RAB11FIP4: variants seen among roughly 807,000 people sequenced by gnomAD.
RAB11FIP4 encodes the protein rab11 family-interacting protein 4.
Under a neutral mutation model 74.3 loss-of-function variants are expected in RAB11FIP4, and 23 were observed. That is an observed-to-expected ratio of 0.31 (90% CI 0.22 to 0.44). The LOEUF (loss-of-function observed/expected upper bound fraction) is 0.44, where lower values mean the gene tolerates loss of function less well. Ranked by LOEUF, RAB11FIP4 falls within the 20% of genes least tolerant of loss-of-function variation. The probability of loss-of-function intolerance (pLI) is 1.00; values close to 1 mark genes in which losing one functional copy is unlikely to be tolerated. For synonymous variants in RAB11FIP4, 360 were observed against 359.9 expected (o/e 1.00, Z 0.00); for missense variants, 630 against 863.9 (o/e 0.73, Z 3.39).
intron 3 of RAB11FIP4, among the ~76,000 whole-genome samples, chr17:31,500,709 A>G (rs1047133703): frequency 2.6e-5 from 4 of 152,222 alleles, no homozygotes; most frequent in Non-Finnish European, 5.9e-5. Context: ...TAGAATACTT[A>G]TACTACTGAG....
intron 1 of RAB11FIP4, among the ~76,000 whole-genome samples, chr17:31,413,486 C>T (rs1252463975): frequency 2.6e-5 from 4 of 151,014 alleles, no homozygotes; most frequent in Non-Finnish European, 1.5e-5. Context: ...TTAGCCTCCC[C>T]CTGCCCTCCA....
At chr17:31,515,383 C>T (rs1054746774) in intron 3 of RAB11FIP4, among the ~76,000 whole-genome samples, 106 of 151,678 alleles carry the variant, frequency 7.0e-4, no homozygotes, top group African/African-American at 2.5e-3. Flanking sequence ...GTGCCCGGCT[C>T]GCTGGTGTAC....
intron 1 of RAB11FIP4, among the ~76,000 whole-genome samples, chr17:31,427,451 C>G (rs2071264368): frequency 6.6e-6 from 1 of 152,208 alleles, no homozygotes; most frequent in Admixed American, 6.5e-5. Context: ...AACCCCACCC[C>G]CACCTCTGTC....
chr17:31,415,649 A>G (rs2071140174), intron 1 of RAB11FIP4, among the ~76,000 whole-genome samples: 1 of 152,104 alleles, frequency 6.6e-6, no homozygotes, highest in Non-Finnish European at 1.5e-5. Context: ...CATTGTCCAG[A>G]TGGGGAAACT....
chr17:31,476,234 G>C (rs1018190929), intron 3 of RAB11FIP4, among the ~76,000 whole-genome samples: 3 of 142,726 alleles, frequency 2.1e-5, no homozygotes, highest in Non-Finnish European at 3.0e-5. Context: ...ACCCAGGCTG[G>C]AGTGCAGTGG....
chr17:31,429,107 G>A (rs543742205), intron 1 of RAB11FIP4, among the ~76,000 whole-genome samples: 47 of 152,186 alleles, frequency 3.1e-4, no homozygotes, highest in Middle Eastern at 3.4e-3. Context: ...GAGGATTGTA[G>A]GTGTGAGCAA....
intron 3 of RAB11FIP4, among the ~76,000 whole-genome samples, chr17:31,515,400 T>C (rs879561743): frequency 1.4e-5 from 2 of 142,976 alleles, no homozygotes; most frequent in Admixed American, 7.1e-5. Context: ...GTACGTGTTA[T>C]TGGTCCATCT....
intron 3 of RAB11FIP4, among the ~76,000 whole-genome samples, chr17:31,516,658 C>G (rs774051179): frequency 9.9e-5 from 15 of 152,148 alleles, no homozygotes; most frequent in Non-Finnish European, 1.5e-4. Context: ...TTAGTAGAGA[C>G]GGGGTTTCAC....
chr17:31,516,237 C>T (rs9901334), intron 3 of RAB11FIP4, among the ~76,000 whole-genome samples: 51,500 of 150,294 alleles, frequency 0.34, 9,351 homozygotes, highest in South Asian at 0.54. Context: ...GCTTTCACTG[C>T]ACCATGTGGC....
chr17:31,437,989 A>C (rs541480297), intron 3 of RAB11FIP4, among the ~76,000 whole-genome samples: 1 of 152,262 alleles, frequency 6.6e-6, no homozygotes, highest in Admixed American at 6.5e-5. Context: ...GAGGCTTGGG[A>C]ACCCCAACTG....
chr17:31,413,236 C>G (rs756795786), intron 1 of RAB11FIP4, among the ~76,000 whole-genome samples: 2 of 152,082 alleles, frequency 1.3e-5, no homozygotes, highest in Non-Finnish European at 2.9e-5. Context: ...GTCCAGGGAC[C>G]ACAGCTCAGA....
intron 3 of RAB11FIP4, among the ~76,000 whole-genome samples, chr17:31,479,131 T>C (rs2071822630): frequency 6.6e-6 from 1 of 152,160 alleles, no homozygotes; most frequent in Admixed American, 6.6e-5. Flanking sequence ...CTCTACAAGA[T>C]TGTTGGATTA....
chr17:31,446,553 G>A (rs538552884), intron 3 of RAB11FIP4, among the ~76,000 whole-genome samples: 68 of 152,148 alleles, frequency 4.5e-4, no homozygotes, highest in African/African-American at 1.6e-3. Flanking sequence ...ACATGACCAG[G>A]CCACATCTCC....
chr17:31,520,215 A>G (rs1056673962), intron 4 of RAB11FIP4, among the ~76,000 whole-genome samples: 1 of 152,114 alleles, frequency 6.6e-6, no homozygotes, highest in African/African-American at 2.4e-5. Flanking sequence ...ATACAGGAGG[A>G]TATGCATAGG....
At chr17:31,417,591 G>A (rs973792281) in intron 1 of RAB11FIP4, among the ~76,000 whole-genome samples, 1 of 152,206 alleles carries the variant, frequency 6.6e-6, no homozygotes, top group African/African-American at 2.4e-5. Flanking sequence ...TTAGTGCCTG[G>A]GGTAGCAGGA....
At chr17:31,487,010 T>C (rs777801857) in intron 3 of RAB11FIP4, among the ~76,000 whole-genome samples, 4 of 151,978 alleles carry the variant, frequency 2.6e-5, no homozygotes, top group Non-Finnish European at 5.9e-5. Flanking sequence ...GTGTGTAGGG[T>C]GGTGCAGGAC....
At chr17:31,481,372 T>A (rs2071847346) in intron 3 of RAB11FIP4, among the ~76,000 whole-genome samples, 1 of 152,118 alleles carries the variant, frequency 6.6e-6, no homozygotes, top group Non-Finnish European at 1.5e-5. Flanking sequence ...CGGTGCAGTT[T>A]AGGAACCACT....
At chr17:31,459,157 G>T (rs187093879) in intron 3 of RAB11FIP4, among the ~76,000 whole-genome samples, 1 of 151,866 alleles carries the variant, frequency 6.6e-6, no homozygotes, top group Non-Finnish European at 1.5e-5. Context: ...CCCCTGCCCC[G>T]TGTCAATTCC....
chr17:31,517,413 C>G (rs1003309663), intron 3 of RAB11FIP4, among the ~76,000 whole-genome samples: 5 of 152,064 alleles, frequency 3.3e-5, no homozygotes, highest in Admixed American at 2.0e-4. Context: ...GGCCCTTCTT[C>G]GTGGATGGCT....
Sources: allele counts gnomAD v4.1 joint callset (sites outside exome capture counted in the v4.1 genomes callset), GRCh38; gene constraint gnomAD v4.1.1; transcripts MANE v1.5; gene names NCBI Gene and HGNC (gene_info 2026-07-23, HGNC 2026-07-21).